DAB1: variants seen among roughly 807,000 people sequenced by gnomAD.
DAB1 encodes disabled homolog 1.
A neutral mutation model predicts 64.6 loss-of-function variants in DAB1; 15 were observed. That is an observed-to-expected ratio of 0.23 (90% CI 0.16 to 0.36). DAB1 has a LOEUF of 0.36. Ranked by LOEUF, DAB1 falls within the 10% of genes least tolerant of loss-of-function variation. DAB1 has a pLI of 1.00. For synonymous variants in DAB1, 235 were observed against 251.9 expected, an observed-to-expected ratio of 0.93 and a Z score of 0.64; for missense variants, 596 against 706.7, an observed-to-expected ratio of 0.84 and a Z score of 1.78.
chr1:57,294,943 C>T (rs1673065199), intron 1 of DAB1, among the ~76,000 whole-genome samples: 1 of 152,022 alleles, frequency 6.6e-6, no homozygotes. Flanking sequence ...GTGGATGAAC[C>T]CTGAAAACAG....
chr1:57,889,908 G>GC (rs796260508), intron 5 of DAB1, among the ~76,000 whole-genome samples: 1,213 of 90,400 alleles, frequency 0.013, 113 homozygotes, highest in Non-Finnish European at 0.018. Context: ...GCGGGGGGGG[G>GC]GGAGGGGGAA....
chr1:57,069,175 A>G (rs577863572), intron 8 of DAB1, among the ~76,000 whole-genome samples, 185 bp downstream of exon 8: 1 of 152,352 alleles, frequency 6.6e-6, no homozygotes, highest in Admixed American at 6.5e-5. Context: ...CTAACTAGCT[A>G]TTAAACATCA....
intron 1 of DAB1, among the ~76,000 whole-genome samples, chr1:57,847,395 A>C (rs1424668471): frequency 4.6e-5 from 7 of 152,100 alleles, no homozygotes; most frequent in Non-Finnish European, 1.0e-4. Flanking sequence ...CAGGAATAAG[A>C]CCAAACATAT....
At chr1:57,219,292 CACAT>C (rs1666678882) in intron 2 of DAB1, among the ~76,000 whole-genome samples, 1 of 142,894 alleles carries the variant, frequency 7.0e-6, no homozygotes, top group Non-Finnish European at 1.6e-5. Flanking sequence ...CACACACACA[CACAT>C]AAACACTCCA....
At chr1:57,248,435 T>C (rs1315303573) in intron 2 of DAB1, among the ~76,000 whole-genome samples, 1 of 152,108 alleles carries the variant, frequency 6.6e-6, no homozygotes. Flanking sequence ...ATCCACCCCA[T>C]AGTTAGAACA....
At chr1:57,262,025 G>A (rs745738568) in intron 2 of DAB1, among the ~76,000 whole-genome samples, 1 of 152,160 alleles carries the variant, frequency 6.6e-6, no homozygotes, top group African/African-American at 2.4e-5. Context: ...GGAGGGAGGA[G>A]AGAAGAAGAT....
intron 5 of DAB1, among the ~76,000 whole-genome samples, chr1:58,070,290 G>A (rs1649151617): frequency 6.6e-6 from 1 of 152,206 alleles, no homozygotes; most frequent in South Asian, 2.1e-4. Context: ...CAGAAAGAAG[G>A]ATGGAAGGGA....
In DAB1 at chr1:58,491,288, C is replaced by A. The variant is rs186051238; in HGVS notation, n.257+14772G>T. The stretch of plus-strand genomic sequence containing the variant: ...AGCACTAAACATGGAAAGGAACAAC[C>A]GGTACCAGCCGCAGCAAAAACATGC... On this transcript the variant is annotated intron_variant and non_coding_transcript_variant, in intron 3 of 20. Coordinates refer to the DAB1 transcript ENST00000485760. Among the ~76,000 whole-genome samples the A allele has an allele frequency of 8.4e-4, 128 of 152,216 alleles. 1 individual carries two copies. Among genetic ancestry groups the A allele is most frequent in the Middle Eastern group, 3.4e-3 (1 of 294 alleles).
intron 7 of DAB1, among the ~76,000 whole-genome samples, chr1:57,599,015 G>A (rs1645544406): frequency 6.6e-6 from 1 of 151,554 alleles, no homozygotes; most frequent in African/African-American, 2.4e-5. Flanking sequence ...TTTCTCCTGA[G>A]TCCCTCCAGG....
chr1:58,195,885 G>T (rs535175522), intron 4 of DAB1, among the ~76,000 whole-genome samples: 2 of 152,284 alleles, frequency 1.3e-5, no homozygotes, highest in South Asian at 4.2e-4. Context: ...ACACACTAAA[G>T]CTTATAAGTG....
At chr1:57,305,661 G>C (rs1225572327) in intron 1 of DAB1, among the ~76,000 whole-genome samples, 1 of 152,118 alleles carries the variant, frequency 6.6e-6, no homozygotes, top group Non-Finnish European at 1.5e-5. Flanking sequence ...TAAAACAGAA[G>C]GGAGAAATGA....
intron 4 of DAB1, among the ~76,000 whole-genome samples, chr1:58,332,837 C>A (rs1039115950): frequency 6.6e-6 from 1 of 152,156 alleles, no homozygotes; most frequent in African/African-American, 2.4e-5. Context: ...TTCTCTCATA[C>A]TTTCATTCTC....
intron 7 of DAB1, among the ~76,000 whole-genome samples, chr1:57,598,479 C>G (rs1474839699): frequency 1.3e-5 from 2 of 152,316 alleles, no homozygotes; most frequent in East Asian, 1.9e-4. Context: ...ATGACATACC[C>G]TATATAAAGC....
intron 7 of DAB1, among the ~76,000 whole-genome samples, chr1:57,460,891 T>C (rs1055592416): frequency 1.3e-5 from 2 of 152,158 alleles, no homozygotes; most frequent in African/African-American, 4.8e-5. Context: ...TTATCTGATT[T>C]TTTTAAATTT....
At chr1:57,524,343 A>G (rs1259149480) in intron 7 of DAB1, among the ~76,000 whole-genome samples, 1 of 152,238 alleles carries the variant, frequency 6.6e-6, no homozygotes, top group East Asian at 1.9e-4. Flanking sequence ...AAATTTCAGA[A>G]TAACAAGAAT....
At chr1:57,779,328 C>A (rs770702694) in intron 6 of DAB1, among the ~76,000 whole-genome samples, 2 of 151,978 alleles carry the variant, frequency 1.3e-5, no homozygotes, top group African/African-American at 2.4e-5. Flanking sequence ...AACTGAAAGG[C>A]CAGCGTGACT....
intron 9 of DAB1, among the ~76,000 whole-genome samples, chr1:57,042,805 C>T (rs1647956108): frequency 6.6e-6 from 1 of 151,922 alleles, no homozygotes; most frequent in Non-Finnish European, 1.5e-5. Context: ...TTTTCAAATG[C>T]TTGGCATGTA....
At chr1:57,959,117 T>A (rs1270217227) in intron 5 of DAB1, among the ~76,000 whole-genome samples, 1 of 152,208 alleles carries the variant, frequency 6.6e-6, no homozygotes, top group Admixed American at 6.5e-5. Context: ...CTAGACCAAG[T>A]GTCCACTCCA....
At chr1:58,114,064 G>T (rs2245920) in intron 5 of DAB1, among the ~76,000 whole-genome samples, 138,305 of 148,800 alleles carry the variant, frequency 0.93, 64,468 homozygotes, top group African/African-American at 0.98. Flanking sequence ...CTGGCCAACA[G>T]AGTGAAACCC....
Sources: allele counts gnomAD v4.1 joint callset (sites outside exome capture counted in the v4.1 genomes callset), GRCh38; gene constraint gnomAD v4.1.1; transcripts MANE v1.5; gene names NCBI Gene and HGNC (gene_info 2026-07-23, HGNC 2026-07-21).